C2orf49: variants seen among roughly 807,000 people sequenced by gnomAD.
C2orf49 encodes tRNA splicing ligase complex subunit 2.
C2orf49 carries 11 observed loss-of-function variants against 20.6 expected under a neutral mutation model. The observed-to-expected ratio is 0.53, with a 90% CI of 0.34 to 0.88. The LOEUF is 0.88. Ranked by LOEUF, C2orf49 falls within the 40% of genes least tolerant of loss-of-function variation. C2orf49 has a pLI of 0.02. For synonymous variants in C2orf49, 134 were observed against 108.5 expected (o/e 1.24, Z -1.46); for missense variants, 289 against 274.2 (o/e 1.05, Z -0.38).
chr2:105,375,048 T>C, the C2orf49 span, among the ~76,000 whole-genome samples: 3 of 152,154 alleles, frequency 2.0e-5, no homozygotes, highest in Non-Finnish European at 4.4e-5. Context: ...TGTGAAGACA[T>C]GGATCTTGGC....
chr2:105,345,351 C>G lies in C2orf49; in HGVS notation c.679C>G (p.Gln227Glu), dbSNP rs1679784900. Residue 227 changes from glutamine to glutamate, a missense_variant, in exon 4 of 4, where the codon CAA (glutamine) becomes GAA (glutamate). Physicochemically the swap from Gln to Glu is conservative, Grantham distance 29 (BLOSUM62 2). Coordinates refer to ENST00000258457, the MANE Select transcript of C2orf49 (RefSeq NM_024093.3). ...GCCCCCACAAGCAAAAAGGAAGATA[C>G]AACATGTTACTTGGCCCTGAAGAAA... ...LKPPQAKRKIQHVTWP is the reference protein window; with the variant it reads ...LKPPQAKRKIEHVTWP 6.2e-7 allele frequency: 1 copy of G among 1,613,082 alleles called. No homozygotes were observed. The highest frequency in any genetic ancestry group is 1.3e-5 in the African/African-American group (1 of 74,954).
At chr2:105,355,770 TTGTGTGTGTGTGTGTGTG>T in the C2orf49 span, among the ~76,000 whole-genome samples, 21 of 143,202 alleles carry the variant, frequency 1.5e-4, no homozygotes, top group South Asian at 4.5e-4. Context: ...AGAAAAAATT[TTGTGTGTGTGTGTGTGTG>T]TGTGTGTGTG....
At chr2:105,367,079 A>G in the C2orf49 span, among the ~76,000 whole-genome samples, 2 of 152,184 alleles carry the variant, frequency 1.3e-5, no homozygotes, top group Non-Finnish European at 2.9e-5. Context: ...CGGCCAGAGT[A>G]GATACATTTA....
chr2:105,362,991 G>A, the C2orf49 span: 2 of 355,288 alleles, frequency 5.6e-6, no homozygotes, highest in East Asian at 1.1e-4. Flanking sequence ...CTTTTGTGAT[G>A]TCACAGGCTC....
At chr2:105,342,126 C>A (rs941635945) in intron 2 of C2orf49, among the ~76,000 whole-genome samples, 3 of 152,222 alleles carry the variant, frequency 2.0e-5, no homozygotes, top group Admixed American at 1.3e-4. Context: ...GAGCCGAGAT[C>A]GCGCCATCGC....
At chr2:105,364,574 A>G in the C2orf49 span, among the ~76,000 whole-genome samples, 1 of 152,244 alleles carries the variant, frequency 6.6e-6, no homozygotes, top group Non-Finnish European at 1.5e-5. Context: ...TGCATCTCAC[A>G]TTCTATTTAA....
chr2:105,354,644 C>T, the C2orf49 span, among the ~76,000 whole-genome samples: 30 of 148,588 alleles, frequency 2.0e-4, no homozygotes, highest in African/African-American at 7.3e-4. Flanking sequence ...CCAGCCTGGG[C>T]GACAACAGCA....
At chr2:105,377,474 T>C in the C2orf49 span, among the ~76,000 whole-genome samples, 1 of 151,794 alleles carries the variant, frequency 6.6e-6, no homozygotes, top group African/African-American at 2.4e-5. Context: ...CTACTAAAAA[T>C]ACAAAAATTA....
intron 1 of C2orf49, 98 bp from the exon 2 acceptor site, chr2:105,339,485 G>A: frequency 8.5e-7 from 1 of 1,171,882 alleles, no homozygotes; most frequent in Non-Finnish European, 1.2e-6. Flanking sequence ...TTTATAATTT[G>A]TTATTTAAGC....
Position 105,345,518 on chromosome 2 carries a change from TCC to T in C2orf49, c.*148_*149del. The T allele has an allele frequency of 4.4e-6, 3 of 680,500 alleles. No homozygotes were observed. The highest frequency in any genetic ancestry group is 7.5e-6 in the Non-Finnish European group (3 of 401,712). The allele number at this position is 680,500 out of a possible 1,614,324, so 42.2% of individuals were successfully genotyped here. A position where few individuals can be genotyped will look rare whatever the true frequency, so the allele number is the denominator to read the frequency against. On this transcript the variant is annotated 3_prime_UTR_variant, in exon 4 of 4. Transcript: ENST00000258457. Reference sequence around the variant, plus strand: ...GTTTAAAAAAATAAAGGATTTATTTTCCTTCCCTTCTTCCCTCCCTCCCTTCC... The same window carrying T: ...GTTTAAAAAAATAAAGGATTTATTTTTTCCCTTCTTCCCTCCCTCCCTTCC...
At chr2:105,352,907 A>G (rs185174577), downstream of C2orf49, among the ~76,000 whole-genome samples, 389 of 152,284 alleles carry the variant, frequency 2.6e-3, 4 homozygotes, top group African/African-American at 9.1e-3. Context: ...ATCAAAAACA[A>G]ACAACTGGAT....
At chr2:105,371,271 C>T in the C2orf49 span, among the ~76,000 whole-genome samples, 1 of 152,090 alleles carries the variant, frequency 6.6e-6, no homozygotes, top group Non-Finnish European at 1.5e-5. Flanking sequence ...CAGCAAGCTT[C>T]GAGTGCAGCA....
At chr2:105,363,537 C>T in the C2orf49 span, 1 of 1,424,924 alleles carries the variant, frequency 7.0e-7, no homozygotes, top group Non-Finnish European at 9.6e-7. Flanking sequence ...GTCTCAGCTA[C>T]TGCCACTGGA....
chr2:105,370,374 C>CA, the C2orf49 span, among the ~76,000 whole-genome samples: 16,816 of 139,782 alleles, frequency 0.12, 1,095 homozygotes, highest in East Asian at 0.32. Context: ...GATCCTGGCT[C>CA]AAAAAAAAAA....
At chr2:105,371,634 C>T in the C2orf49 span, among the ~76,000 whole-genome samples, 6 of 151,542 alleles carry the variant, frequency 4.0e-5, no homozygotes, top group Non-Finnish European at 7.4e-5. Flanking sequence ...CTCTGGAGAA[C>T]GTGACTAACA....
the C2orf49 span, among the ~76,000 whole-genome samples, chr2:105,356,010 C>T: frequency 6.6e-6 from 1 of 152,078 alleles, no homozygotes; most frequent in Non-Finnish European, 1.5e-5. Context: ...TTTGGAATGC[C>T]AAGATGGGGG....
At chr2:105,384,942 C>A in the C2orf49 span, among the ~76,000 whole-genome samples, 1 of 152,208 alleles carries the variant, frequency 6.6e-6, no homozygotes, top group African/African-American at 2.4e-5. Context: ...CATGCTTGTC[C>A]TGTTAAATAC....
At chr2:105,343,590 CATTT>C (rs1259585438) in intron 3 of C2orf49, among the ~76,000 whole-genome samples, 1 of 152,110 alleles carries the variant, frequency 6.6e-6, no homozygotes, top group Non-Finnish European at 1.5e-5. Context: ...CAGGGTCACA[CATTT>C]ATTAAGTAGC....
At chr2:105,370,372 C>T in the C2orf49 span, among the ~76,000 whole-genome samples, 1 of 147,140 alleles carries the variant, frequency 6.8e-6, no homozygotes, top group Non-Finnish European at 1.5e-5. Context: ...GAGATCCTGG[C>T]TCAAAAAAAA....
Sources: gnomAD v4.1 joint callset for allele counts (sites outside exome capture counted in the v4.1 genomes callset) on GRCh38, gnomAD v4.1.1 for gene constraint, MANE v1.5 for transcripts, NCBI Gene and HGNC (gene_info 2026-07-23, HGNC 2026-07-21) for gene names.